GDAP1: variants seen among roughly 807,000 people sequenced by gnomAD.
GDAP1 encodes ganglioside-induced differentiation-associated protein 1.
In GDAP1, 34 loss-of-function variants were observed where a neutral mutation model predicts 40.1. The ratio of observed to expected loss-of-function variants is 0.85; its 90% CI spans 0.64 to 1.13. The LOEUF (loss-of-function observed/expected upper bound fraction) is 1.13, where lower values mean the gene tolerates loss of function less well. Ranked by LOEUF, GDAP1 falls within the 50% of genes most tolerant of loss-of-function variation. The probability of loss-of-function intolerance (pLI) is 0.00; values close to 1 mark genes in which losing one functional copy is unlikely to be tolerated. For synonymous variants in GDAP1, 170 were observed against 157.4 expected, an observed-to-expected ratio of 1.08 and a Z score of -0.60; for missense variants, 374 against 433.7, an observed-to-expected ratio of 0.86 and a Z score of 1.22.
At chr8:74,356,716 A>ATATATATATATATATTTTTTTTTTTT (rs375377157) in intron 2 of GDAP1, among the ~76,000 whole-genome samples, 1 of 104,362 alleles carries the variant, frequency 9.6e-6, no homozygotes, top group African/African-American at 4.1e-5. Context: ...ATATATATAT[A>ATATATATATATATATTTTTTTTTTTT]TTTTTTTTTT....
At chr8:74,436,823 T>C (rs1357556408) in intron 2 of GDAP1, among the ~76,000 whole-genome samples, 1 of 152,166 alleles carries the variant, frequency 6.6e-6, no homozygotes, top group Non-Finnish European at 1.5e-5. Flanking sequence ...TCAGTTTCTG[T>C]TTCCTGCACT....
Position 74,405,648 on chromosome 8 carries a change from T to C in GDAP1, c.165+54327T>C, listed in dbSNP as rs1056420586. ...AATTTGCTATTTAATGTATGTGGAC[T>C]TAATTTTTCTTGAATTTAAAAATAA... On this transcript the variant is annotated intron_variant, in intron 2 of 2. Coordinates refer to the GDAP1 transcript ENST00000523640. Among the ~76,000 whole-genome samples the C allele has an allele frequency of 3.3e-5, 5 of 150,224 alleles. 1 individual carries two copies. Among genetic ancestry groups the C allele is most frequent in the African/African-American group, 1.3e-4 (5 of 39,506 alleles).
chr8:74,411,026 A>T (rs777722405), intron 2 of GDAP1, among the ~76,000 whole-genome samples: 6 of 149,960 alleles, frequency 4.0e-5, no homozygotes, highest in Admixed American at 6.6e-5. Context: ...TGTTCTCATG[A>T]TAGTGAGTTC....
intron 2 of GDAP1, among the ~76,000 whole-genome samples, chr8:74,475,426 A>T (rs776895083): frequency 8.5e-5 from 13 of 152,166 alleles, no homozygotes; most frequent in Admixed American, 3.3e-4. Context: ...ATTTAGTGCC[A>T]TAAATTTTCC....
chr8:74,418,339 A>G (rs974775310), intron 2 of GDAP1, among the ~76,000 whole-genome samples: 1 of 152,366 alleles, frequency 6.6e-6, no homozygotes, highest in South Asian at 2.1e-4. Context: ...AGGGATAAGC[A>G]TATGGGTCAA....
At chr8:74,459,017 T>G (rs1806369714) in intron 2 of GDAP1, among the ~76,000 whole-genome samples, 1 of 152,174 alleles carries the variant, frequency 6.6e-6, no homozygotes, top group African/African-American at 2.4e-5. Flanking sequence ...TCACCCTGTT[T>G]CTGGTAATTA....
At chr8:74,399,708 C>T (rs1369139817) in intron 2 of GDAP1, among the ~76,000 whole-genome samples, 1 of 123,680 alleles carries the variant, frequency 8.1e-6, no homozygotes, top group Non-Finnish European at 1.6e-5. Context: ...TTTCCCTCTA[C>T]ACACTGCTTT....
chr8:74,366,835 C>A lies in GDAP1; in HGVS notation c.*2468C>A. 1 of 439,984 alleles carries A rather than the reference C, an allele frequency of 2.3e-6. No individual in the cohort carries two copies. Among genetic ancestry groups the A allele is most frequent in the Non-Finnish European group, 4.5e-6 (1 of 221,918 alleles). 27.3% of individuals were successfully genotyped at this position (439,984 alleles called of 1,614,324 possible). A position where few individuals can be genotyped will look rare whatever the true frequency, so the allele number is the denominator to read the frequency against. ...AGACCAAGACACTATTCTGTAAGAT[C>A]AATAAAAGTAATTGGAAAATAAATA... On this transcript the variant is annotated 3_prime_UTR_variant, in exon 6 of 6. Transcript: ENST00000220822.
intron 2 of GDAP1, among the ~76,000 whole-genome samples, chr8:74,374,796 G>T (rs1809823381): frequency 6.6e-6 from 1 of 151,806 alleles, no homozygotes; most frequent in Non-Finnish European, 1.5e-5. Context: ...GACCCAATAA[G>T]AAATGGGAAT....
chr8:74,416,019 G>A (rs972259227), intron 2 of GDAP1, among the ~76,000 whole-genome samples: 1 of 149,822 alleles, frequency 6.7e-6, no homozygotes, highest in Non-Finnish European at 1.5e-5. Flanking sequence ...GGAGGCTTAT[G>A]GCCCTGGTGC....
intron 2 of GDAP1, among the ~76,000 whole-genome samples, chr8:74,394,510 TG>T: frequency 6.6e-6 from 1 of 152,308 alleles, no homozygotes; most frequent in Middle Eastern, 3.4e-3. Context: ...TTCACATCTC[TG>T]TGCTTTTCAC....
intron 2 of GDAP1, among the ~76,000 whole-genome samples, chr8:74,477,862 G>C (rs947096610): frequency 1.3e-5 from 2 of 152,194 alleles, no homozygotes; most frequent in Non-Finnish European, 2.9e-5. Flanking sequence ...CTTTCATGTG[G>C]ATGTTCACAG....
At chr8:74,383,751 G>A (rs1809987586) in intron 2 of GDAP1, among the ~76,000 whole-genome samples, 1 of 151,998 alleles carries the variant, frequency 6.6e-6, no homozygotes, top group Non-Finnish European at 1.5e-5. Context: ...CTCTTAGTTT[G>A]CCAGTTTATC....
rs1344845677 is a variant in GDAP1 at position 74,381,140 on chromosome 8, A to G, written c.165+29819A>G. On this transcript the variant is annotated intron_variant, in intron 2 of 2. Coordinates refer to the GDAP1 transcript ENST00000523640. ...ATAAATGAGTGTATTCATAGTCAAA[A>G]TTTATCAAATTGTTTATTTATATCA... 5.3e-5 allele frequency among the ~76,000 whole-genome samples: 8 copies of G among 152,208 alleles called. No individual in the cohort carries two copies. The East Asian group carries it at 1.5e-3, about 29-fold the overall frequency.
At chr8:74,414,793 C>A (rs1805758222) in intron 2 of GDAP1, among the ~76,000 whole-genome samples, 1 of 149,702 alleles carries the variant, frequency 6.7e-6, no homozygotes, top group African/African-American at 2.6e-5. Context: ...TGAAAACCTC[C>A]CAAATTTAGT....
chr8:74,365,025 T>C lies in GDAP1; in HGVS notation c.*658T>C. 2.2e-6 allele frequency: 1 copy of C among 454,066 alleles called. No individual in the cohort carries two copies. The highest frequency in any genetic ancestry group is 1.6e-5 in the South Asian group (1 of 64,472). The allele number at this position is 454,066 out of a possible 1,614,324, so 28.1% of individuals were successfully genotyped here. A position where few individuals can be genotyped will look rare whatever the true frequency, so the allele number is the denominator to read the frequency against. ...CAAGTGGTAATGGTTCCTTACTGTT[T>C]TAGATGGTGCCTGTGAGATACCATT... On this transcript the variant is annotated 3_prime_UTR_variant, in exon 6 of 6. Transcript: ENST00000220822.
chr8:74,356,529 GT>G (rs951587578), intron 2 of GDAP1, among the ~76,000 whole-genome samples: 1 of 151,136 alleles, frequency 6.6e-6, no homozygotes, highest in South Asian at 2.1e-4. Context: ...GGGTCTTTTT[GT>G]TTTTTTTCTT....
At chr8:74,471,095 GTTGT>G (rs1477967138) in intron 2 of GDAP1, among the ~76,000 whole-genome samples, 1 of 152,010 alleles carries the variant, frequency 6.6e-6, no homozygotes, top group Non-Finnish European at 1.5e-5. Flanking sequence ...TTTTGATGGG[GTTGT>G]TTTTTTCTTG....
intron 2 of GDAP1, among the ~76,000 whole-genome samples, chr8:74,356,716 A>ATATATATATATATTTTTTTTTTTTTT (rs375377157): frequency 1.9e-5 from 2 of 104,362 alleles, no homozygotes; most frequent in African/African-American, 8.3e-5. Flanking sequence ...ATATATATAT[A>ATATATATATATATTTTTTTTTTTTTT]TTTTTTTTTT....
Sources: gnomAD v4.1 joint callset for allele counts (sites outside exome capture counted in the v4.1 genomes callset) on GRCh38, gnomAD v4.1.1 for gene constraint, MANE v1.5 for transcripts, NCBI Gene and HGNC (gene_info 2026-07-23, HGNC 2026-07-21) for gene names.